Variants in SFXN5 observed in about 807,000 individuals in gnomAD.
SFXN5 encodes the protein sideroflexin-5.
In SFXN5, 43 loss-of-function variants were observed where a neutral mutation model predicts 50.2. That is an observed-to-expected ratio of 0.86 (90% CI 0.67 to 1.11). The LOEUF is 1.11. Ranked by LOEUF, SFXN5 falls within the 50% of genes least tolerant of loss-of-function variation. The pLI, the probability that SFXN5 is intolerant of heterozygous loss-of-function variation, is 0.00. For missense variants in SFXN5, 463 were observed against 454.1 expected (o/e 1.02, Z -0.18); for synonymous variants, 203 against 185.8 (o/e 1.09, Z -0.75).
chr2:73,063,819 T>G (rs1416233263), intron 1 of SFXN5, among the ~76,000 whole-genome samples: 1 of 152,188 alleles, frequency 6.6e-6, no homozygotes, highest in Non-Finnish European at 1.5e-5. Context: ...TCTGTGTCTG[T>G]CCTCCCTGTC....
chr2:73,053,989 A>G (rs1681744870), intron 2 of SFXN5, among the ~76,000 whole-genome samples: 1 of 152,210 alleles, frequency 6.6e-6, no homozygotes, highest in Admixed American at 6.5e-5. Context: ...CCCACAGCTC[A>G]TCGGGAGGGA....
chr2:73,006,070 G>A (rs569455858), intron 6 of SFXN5, among the ~76,000 whole-genome samples: 19 of 152,276 alleles, frequency 1.2e-4, no homozygotes, highest in Admixed American at 1.1e-3. Context: ...CAGCACGTGG[G>A]AGGACGTGGC....
At chr2:73,038,021 C>G (rs1235403824) in intron 3 of SFXN5, among the ~76,000 whole-genome samples, 1 of 152,202 alleles carries the variant, frequency 6.6e-6, no homozygotes, top group East Asian at 1.9e-4. Flanking sequence ...ACTGAAAATA[C>G]AGTCATGCGT....
intron 3 of SFXN5, among the ~76,000 whole-genome samples, chr2:73,036,691 A>G (rs17511570): frequency 6.6e-6 from 1 of 152,156 alleles, no homozygotes; most frequent in Non-Finnish European, 1.5e-5. Flanking sequence ...CTCAGCAAGA[A>G]AAGGGCAGAG....
chr2:72,990,825 C>A (rs1309338913), intron 9 of SFXN5, among the ~76,000 whole-genome samples: 1 of 152,140 alleles, frequency 6.6e-6, no homozygotes, highest in South Asian at 2.1e-4. Flanking sequence ...TATCTCCAGG[C>A]GTTTGAACGG....
intron 5 of SFXN5, among the ~76,000 whole-genome samples, chr2:73,022,274 T>A (rs1262020678): frequency 6.6e-6 from 1 of 152,116 alleles, no homozygotes; most frequent in East Asian, 1.9e-4. Context: ...GCTACCAGAT[T>A]CACCTGTGGA....
At chr2:73,063,779 C>T (rs1682984946) in intron 1 of SFXN5, among the ~76,000 whole-genome samples, 1 of 152,138 alleles carries the variant, frequency 6.6e-6, no homozygotes, top group South Asian at 2.1e-4. Flanking sequence ...TGTGGGTCCT[C>T]GTGAGAAACA....
In SFXN5 at chr2:72,974,674, C is replaced by T. The variant is rs565020257; in HGVS notation, c.626-2989G>A. Among the ~76,000 whole-genome samples, 4 of 152,310 alleles carry T rather than the reference C, an allele frequency of 2.6e-5. No homozygotes were observed. In the South Asian group the frequency reaches 8.3e-4, roughly 32 times the overall value. On this transcript the variant is annotated intron_variant, in intron 10 of 13. Transcript: ENST00000272433. ...ATGCAGAGGCTACCAGCCATCCATG[C>T]CCTTGGGCAGTGGGAATGCCAGCCT...
intron 6 of SFXN5, among the ~76,000 whole-genome samples, chr2:73,003,294 G>A (rs908059612): frequency 4.6e-5 from 7 of 152,132 alleles, no homozygotes; most frequent in Non-Finnish European, 8.8e-5. Context: ...ACTGAACACG[G>A]TGTCTTATGG....
At chr2:72,985,987 T>A (rs1396825099) in intron 10 of SFXN5, among the ~76,000 whole-genome samples, 1 of 152,168 alleles carries the variant, frequency 6.6e-6, no homozygotes, top group Non-Finnish European at 1.5e-5. Context: ...AGGGACAGAT[T>A]ACATCTTGGC....
In SFXN5 at chr2:72,968,458, T is replaced by C. The variant is rs769271412; in HGVS notation, c.817A>G (p.Met273Val). Residue 273 changes from methionine to valine, a missense_variant, in exon 12 of 14, where the codon ATG becomes GTG. By Grantham distance (21) the Met-to-Val change is conservative. Transcript: ENST00000272433. Reference protein sequence around the residue: ...ILVLPPIVMSMLEKTALLQAR... With the variant: ...ILVLPPIVMSVLEKTALLQAR... ...GCTGCCCCAACTCACTTCTCCAGCA[T>C]GGACATGACGATCGGGGGTAGCACC... is the stretch of plus-strand genomic sequence containing the variant. 1.3e-6 allele frequency: 2 copies of C among 1,584,128 alleles called. No homozygotes were observed. Among genetic ancestry groups the C allele is most frequent in the East Asian group, 2.3e-5 (1 of 42,826 alleles).
chr2:72,966,930 C>G (rs1674482662), intron 12 of SFXN5, among the ~76,000 whole-genome samples: 1 of 152,164 alleles, frequency 6.6e-6, no homozygotes, highest in Non-Finnish European at 1.5e-5. Flanking sequence ...AGATCAGACC[C>G]CAAATCTACT....
At chr2:73,039,556 T>C (rs1224641497) in intron 3 of SFXN5, among the ~76,000 whole-genome samples, 3 of 151,878 alleles carry the variant, frequency 2.0e-5, no homozygotes, top group East Asian at 1.9e-4. Context: ...CGGAAAGAAG[T>C]GTGTTTAGAG....
intron 2 of SFXN5, among the ~76,000 whole-genome samples, chr2:73,055,035 C>T (rs997551852): frequency 3.3e-5 from 5 of 152,206 alleles, no homozygotes; most frequent in African/African-American, 4.8e-5. Flanking sequence ...TGGGCTGCTC[C>T]CCTGGACATG....
Position 72,971,637 on chromosome 2 carries a change from T to C in SFXN5, c.674A>G (p.Glu225Gly). The C allele has an allele frequency of 1.2e-5, 20 of 1,613,964 alleles. No individual in the cohort carries two copies. The highest frequency in any genetic ancestry group is 1.7e-5 in the Non-Finnish European group (20 of 1,179,930). ...GCTGTCCAGGACATCAATCCCTTCC[T>C]CCAGCTCCCCGTACCGCATCAGGAC... ...NVVLMRYGEL[E>G]EGIDVLDSDG... Residue 225 changes from glutamate (E) to glycine (G), a missense_variant, in exon 11 of 14, where the codon GAG (glutamate) becomes GGG (glycine). Glu to Gly is a moderately conservative substitution (Grantham distance 98, BLOSUM62 -2). Coordinates refer to ENST00000272433, the MANE Select transcript of SFXN5 (RefSeq NM_144579.3).
At chr2:72,959,311 C>T (rs905499132) in intron 13 of SFXN5, among the ~76,000 whole-genome samples, 2 of 152,144 alleles carry the variant, frequency 1.3e-5, no homozygotes, top group African/African-American at 4.8e-5. Context: ...GTGCTGTCAC[C>T]CATCTCTCAG....
rs575518355 is a variant in SFXN5, at chr2:72,957,443, C to A, written c.945+3688G>T. ...ACTGAAGGAAGGATTGAAGTCCTTGCCTCAATCTCTGGGGTTAGTGAGTTG... is the reference window on the plus strand; with the variant it reads ...ACTGAAGGAAGGATTGAAGTCCTTGACTCAATCTCTGGGGTTAGTGAGTTG... On this transcript the variant is annotated intron_variant, in intron 13 of 13. Coordinates refer to ENST00000272433, the MANE Select transcript of SFXN5 (RefSeq NM_144579.3). Among the ~76,000 whole-genome samples the A allele has an allele frequency of 2.0e-5, 3 of 152,324 alleles. No homozygotes were observed. The East Asian group carries it at 5.8e-4, about 29-fold the overall frequency.
chr2:73,020,835 A>G (rs1219348888), intron 5 of SFXN5: 1 of 152,414 alleles, frequency 6.6e-6, no homozygotes, highest in Admixed American at 6.5e-5. Context: ...AAGCGCAGCC[A>G]GGCTGTGAGT....
rs1410382690 is a variant in SFXN5, at chr2:72,993,000, G to A, written c.535-4652C>T. On this transcript the variant is annotated intron_variant, in intron 9 of 13. Transcript: ENST00000272433. This position sits in a 1 kb window ranked among gnomAD's most constrained non-coding sequence, Gnocchi z 4.5. ...CCCTGAATAGGAGGCTAGGAAGGGA[G>A]CAGGGCTCAGCCAAGGATCAGAAGC... Among the ~76,000 whole-genome samples, 2 of 152,166 alleles carry A rather than the reference G, an allele frequency of 1.3e-5. No homozygotes were observed. Among genetic ancestry groups the A allele is most frequent in the Non-Finnish European group, 2.9e-5 (2 of 68,038 alleles).
Sources: allele counts gnomAD v4.1 joint callset (sites outside exome capture counted in the v4.1 genomes callset), GRCh38; gene constraint gnomAD v4.1.1; non-coding constraint Gnocchi (gnomAD v3.1); transcripts MANE v1.5; gene names NCBI Gene and HGNC (gene_info 2026-07-23, HGNC 2026-07-21).